DNAAF4: variants seen among roughly 807,000 people sequenced by gnomAD.
DNAAF4 encodes the protein dynein assembly factor 4, axonemal.
In DNAAF4, 43 loss-of-function variants were observed where a neutral mutation model predicts 51.8. The ratio of observed to expected loss-of-function variants is 0.83; its 90% CI spans 0.65 to 1.07. The LOEUF (loss-of-function observed/expected upper bound fraction) is 1.07. Ranked by LOEUF, DNAAF4 falls within the 50% of genes least tolerant of loss-of-function variation. The pLI, the probability that DNAAF4 is intolerant of heterozygous loss-of-function variation, is 0.00. For missense variants in DNAAF4, 581 were observed against 493.0 expected (o/e 1.18, Z -1.69); for synonymous variants, 194 against 165.6 (o/e 1.17, Z -1.32).
chr15:55,486,046 GA>G (rs1204138618), intron 4 of DNAAF4, among the ~76,000 whole-genome samples: 1 of 149,910 alleles, frequency 6.7e-6, no homozygotes, highest in Non-Finnish European at 1.5e-5. Flanking sequence ...TAGCGAAGAG[GA>G]AAAAAAAGCA....
intron 5 of DNAAF4, among the ~76,000 whole-genome samples, chr15:55,466,303 T>C (rs1344086955): frequency 6.6e-6 from 1 of 152,028 alleles, no homozygotes. Context: ...GGCACATGCC[T>C]GTAGTCCCAG....
At chr15:55,504,548 A>G (rs1021701138) in intron 1 of DNAAF4, among the ~76,000 whole-genome samples, 2 of 152,228 alleles carry the variant, frequency 1.3e-5, no homozygotes, top group Admixed American at 6.5e-5. Context: ...TAACCAAAAC[A>G]GCATGGCACT....
At chr15:55,459,248 G>A (rs553807708) in intron 5 of DNAAF4, among the ~76,000 whole-genome samples, 1 of 152,082 alleles carries the variant, frequency 6.6e-6, no homozygotes, top group Non-Finnish European at 1.5e-5. Flanking sequence ...TTTGTATCCA[G>A]TGAAACTAAG....
chr15:55,446,758 CA>C (rs2057829818), intron 6 of DNAAF4, among the ~76,000 whole-genome samples: 4 of 127,360 alleles, frequency 3.1e-5, no homozygotes, highest in Middle Eastern at 7.2e-3. Context: ...ACATCCCAGA[CA>C]GGGTGGTGGC....
At chr15:55,443,055 C>T in intron 6 of DNAAF4, 1 of 1,611,138 alleles carries the variant, frequency 6.2e-7, no homozygotes, top group South Asian at 1.1e-5. Context: ...GTTCTTCTTT[C>T]ATAAGCTTTG....
At chr15:55,500,339 G>C (rs1449958663) in intron 1 of DNAAF4, among the ~76,000 whole-genome samples, 3 of 152,034 alleles carry the variant, frequency 2.0e-5, no homozygotes, top group Non-Finnish European at 4.4e-5. Flanking sequence ...TTTAAGCTGA[G>C]AAACCCACGA....
chr15:55,490,670 T>C (rs1012766463), intron 4 of DNAAF4, among the ~76,000 whole-genome samples: 2 of 152,150 alleles, frequency 1.3e-5, no homozygotes, highest in Middle Eastern at 3.4e-3. Context: ...AGAACAAACA[T>C]GGGCCGGGCA....
At chr15:55,504,508 C>T (rs1179941686) in intron 1 of DNAAF4, among the ~76,000 whole-genome samples, 1 of 152,180 alleles carries the variant, frequency 6.6e-6, no homozygotes, top group Non-Finnish European at 1.5e-5. Context: ...ATTACACTAC[C>T]TGACTTCAAA....
intron 6 of DNAAF4, 57 bp downstream of exon 6, chr15:55,450,165 A>T (rs2057911551): frequency 6.6e-7 from 1 of 1,505,830 alleles, no homozygotes; most frequent in African/African-American, 1.4e-5. Flanking sequence ...TCAATAGATG[A>T]AATAAAAATA....
intron 7 of DNAAF4, chr15:55,418,279 G>A: frequency 6.4e-7 from 1 of 1,551,852 alleles, no homozygotes; most frequent in African/African-American, 1.4e-5. Flanking sequence ...CTGAACAACT[G>A]CCTCCTTGTG....
chr15:55,437,960 A>C (rs2057642657), intron 7 of DNAAF4, among the ~76,000 whole-genome samples: 2 of 152,218 alleles, frequency 1.3e-5, no homozygotes, highest in African/African-American at 2.4e-5. Context: ...TAATAGGAAA[A>C]TAAACACAGA....
intron 9 of DNAAF4, 119 bp downstream of exon 9, chr15:55,432,378 A>T: frequency 1.5e-6 from 1 of 675,842 alleles, no homozygotes; most frequent in Non-Finnish European, 2.4e-6. Flanking sequence ...ACTAAGAATA[A>T]ATTAAATGCT....
Position 55,466,982 on chromosome 15 carries a change from TA to T in DNAAF4, c.584del (p.Ile195LysfsTer30), listed in dbSNP as rs763906095. ...AATTTCTAGTAAGACTCTTATATTT[TA>T]TTTTTTTTCTTTCTTCTTTAATTTG... ...EKQIKEERKK[I>X]KYKSLTRNLA... On this transcript the variant is annotated frameshift_variant, in exon 5 of 10. Coordinates refer to ENST00000321149, the MANE Select transcript of DNAAF4 (RefSeq NM_130810.4). LOFTEE classifies it high-confidence loss of function. 8 of 1,584,542 alleles carry T rather than the reference TA, an allele frequency of 5.0e-6. No homozygotes were observed. Among genetic ancestry groups the T allele is most frequent in the Non-Finnish European group, 6.0e-6 (7 of 1,170,978 alleles).
intron 7 of DNAAF4, chr15:55,418,585 G>T (rs2057358827): frequency 7.3e-7 from 1 of 1,370,938 alleles, no homozygotes. Context: ...ATATTCCTTT[G>T]TATATTGAAG....
chr15:55,502,153 A>G (rs762090606), intron 1 of DNAAF4, among the ~76,000 whole-genome samples: 5 of 152,166 alleles, frequency 3.3e-5, no homozygotes, highest in Non-Finnish European at 7.3e-5. Context: ...GTGGTTGAAC[A>G]AGATGAATTC....
In DNAAF4 at chr15:55,443,251, G is replaced by T. The variant is rs1299614286; in HGVS notation, c.784-3670C>A. 46 of 1,603,040 alleles carry T rather than the reference G, an allele frequency of 2.9e-5. 1 individual carries two copies. In the South Asian group the frequency reaches 3.4e-4, roughly 12 times the overall value. Reference sequence around the variant, plus strand: ...AAGAATGACTTCCTCAGAAGAAAATGACCTCAGCGCGGGTTGCGGCTCACT... The same window carrying T: ...AAGAATGACTTCCTCAGAAGAAAATTACCTCAGCGCGGGTTGCGGCTCACT... On this transcript the variant is annotated intron_variant, in intron 6 of 9. Transcript: ENST00000321149.
At chr15:55,420,769 C>T (rs2057381761) in intron 7 of DNAAF4, among the ~76,000 whole-genome samples, 2 of 152,238 alleles carry the variant, frequency 1.3e-5, no homozygotes, top group Middle Eastern at 3.4e-3. Flanking sequence ...ACCATTTTCC[C>T]CCTTCACTGC....
At position 55,498,534 on chromosome 15, in the gene DNAAF4, G is replaced by T. The variant is rs1209515999; in HGVS notation, c.-205C>A. 3 of 526,926 alleles carry T rather than the reference G, an allele frequency of 5.7e-6. No homozygotes were observed. In the African/African-American group the frequency reaches 6.3e-5, roughly 11 times the overall value. The allele number at this position is 526,926 out of a possible 1,614,324, so 32.6% of individuals were successfully genotyped here. A position where few individuals can be genotyped will look rare whatever the true frequency, so the allele number is the denominator to read the frequency against. On this transcript the variant is annotated 5_prime_UTR_variant, in exon 2 of 10. Coordinates refer to ENST00000321149, the MANE Select transcript of DNAAF4 (RefSeq NM_130810.4). Reference sequence around the variant, plus strand: ...AGACCAGAGAGTGATGCCGATTCTTGGGGTTACCTTACGATCTGAGCGAAT... The same window carrying T: ...AGACCAGAGAGTGATGCCGATTCTTTGGGTTACCTTACGATCTGAGCGAAT...
chr15:55,437,068 C>T (rs1318042715), intron 7 of DNAAF4, among the ~76,000 whole-genome samples: 1 of 143,970 alleles, frequency 6.9e-6, no homozygotes, highest in East Asian at 2.2e-4. Context: ...CCGCCCGCCT[C>T]AGCCTCCCAA....
Sources: allele counts gnomAD v4.1 joint callset (sites outside exome capture counted in the v4.1 genomes callset), GRCh38; gene constraint gnomAD v4.1.1; transcripts MANE v1.5; gene names NCBI Gene and HGNC (gene_info 2026-07-23, HGNC 2026-07-21).